Variants in MTCH1 observed in about 807,000 individuals in gnomAD.
MTCH1 encodes mitochondrial carrier homolog 1.
A neutral mutation model predicts 49.3 loss-of-function variants in MTCH1; 23 were observed. The ratio of observed to expected loss-of-function variants is 0.47; its 90% CI spans 0.34 to 0.66. The LOEUF (loss-of-function observed/expected upper bound fraction) is 0.66, where lower values mean the gene tolerates loss of function less well. MTCH1 is among the 30% of genes least tolerant of loss of function. MTCH1 has a pLI of 0.01. For synonymous variants in MTCH1, 229 were observed against 215.2 expected (o/e 1.06, Z -0.56); for missense variants, 397 against 532.1 (o/e 0.75, Z 2.50).
chr6:36,980,801 C>A (rs574292398), intron 2 of MTCH1, among the ~76,000 whole-genome samples: 1 of 152,272 alleles, frequency 6.6e-6, no homozygotes, highest in East Asian at 1.9e-4. Context: ...TTAAAGAAGG[C>A]CTTCATCATG....
At chr6:36,985,711 A>ACCCCCCCTGCCCCCCCCCATCCCC in intron 1 of MTCH1, 142 bp downstream of exon 1, 1 of 151,370 alleles carries the variant, frequency 6.6e-6, no homozygotes, top group Non-Finnish European at 1.3e-5. Flanking sequence ...CTCCCATCCC[A>ACCCCCCCTGCCCCCCCCCATCCCC]CCCACTCGGC....
rs760776834 is a variant in MTCH1, at chr6:36,970,490, C to G, written c.955-17G>C. 6 of 1,613,992 alleles carry G rather than the reference C, an allele frequency of 3.7e-6. No individual in the cohort carries two copies. In the East Asian group the frequency reaches 1.1e-4, roughly 30 times the overall value. ...CACTGCAATCTGAAACCCAGAGAGG[C>G]CTGAGTGCCAGTGACCCACCCCGGC... On this transcript the variant is annotated splice_polypyrimidine_tract_variant and intron_variant, in intron 9 of 11. Transcript: ENST00000373627.
chr6:36,975,987 T>C (rs945509203), intron 6 of MTCH1, among the ~76,000 whole-genome samples: 3 of 152,158 alleles, frequency 2.0e-5, no homozygotes, highest in South Asian at 2.1e-4. Flanking sequence ...TTCTGGGAGA[T>C]AGGAGTTTAG....
Position 36,977,204 on chromosome 6 carries a change from C to A in MTCH1, c.696G>T (p.Lys232Asn). The A allele has an allele frequency of 6.2e-7, 1 of 1,614,116 alleles. No individual in the cohort carries two copies. Among genetic ancestry groups the A allele is most frequent in the Non-Finnish European group, 8.5e-7 (1 of 1,179,980 alleles). Residue 232 changes from lysine to asparagine, a missense_variant, in exon 6 of 12, where the codon AAG becomes AAT. By Grantham distance (94) the Lys-to-Asn change is moderately conservative. This residue lies in a region of MTCH1 where 252 missense variants were observed against 388.3 expected (regional missense o/e 0.65). Transcript: ENST00000373627. The surrounding 1 kb of genome is among the most constrained non-coding windows in gnomAD (Gnocchi z 5.4). ...CAGTCCCAAGAGTTACCCACCTGTA[C>A]TTGGCCTCCCGTCCCACAAACTGGA... is the stretch of plus-strand genomic sequence containing the variant. The part of the protein sequence containing the change: ...CMVQFVGREA[K>N]YSGVLSSIGK...
chr6:36,975,909 A>G (rs1763863739), intron 6 of MTCH1, among the ~76,000 whole-genome samples, 192 bp from the exon 7 acceptor site: 1 of 152,174 alleles, frequency 6.6e-6, no homozygotes, highest in South Asian at 2.1e-4. Context: ...GAGTTTACAC[A>G]GTTCATGGAG....
intron 11 of MTCH1, 161 bp from the exon 12 acceptor site, chr6:36,969,135 G>A: frequency 1.0e-6 from 1 of 985,440 alleles, no homozygotes; most frequent in Non-Finnish European, 1.2e-6. Flanking sequence ...GAATCTGCCT[G>A]TGTTGAAGCA....
chr6:36,986,244 G>T, upstream of MTCH1: 1 of 1,329,946 alleles, frequency 7.5e-7, no homozygotes, highest in South Asian at 1.7e-5. Context: ...CAGGGGGCGG[G>T]GCCGGGGCGC....
chr6:36,980,755 G>A (rs1345891140), intron 2 of MTCH1, among the ~76,000 whole-genome samples: 2 of 152,256 alleles, frequency 1.3e-5, no homozygotes, highest in South Asian at 4.1e-4. Context: ...GCCTGCAATG[G>A]AACTCCAGCT....
At position 36,970,411 on chromosome 6, in the gene MTCH1, G is replaced by A. The variant is rs1453892690; in HGVS notation, c.1017C>T (p.Asn339=). ...GTAGAGGGGCGCACACCTACCCGCA[G>A]TTGTTCACAGCCATGAGGTCGCCAA... is the stretch of plus-strand genomic sequence containing the variant. The part of the protein sequence containing the change: ...LLVGDLMAVN[N]CGLQAGLPPY... The change falls in exon 10 of 12, where the codon AAC becomes AAT. Residue 339 remains asparagine, a synonymous_variant. Transcript: ENST00000373627. 2.5e-6 allele frequency: 4 copies of A among 1,614,042 alleles called. No individual in the cohort carries two copies. The South Asian group carries it at 4.4e-5, about 18-fold the overall frequency.
At chr6:36,983,752 CCTAAT>C (rs1257091888) in intron 1 of MTCH1, among the ~76,000 whole-genome samples, 3 of 152,178 alleles carry the variant, frequency 2.0e-5, no homozygotes, top group South Asian at 2.1e-4. Flanking sequence ...TTCTTACGCA[CCTAAT>C]CTAGACAATC....
In MTCH1 at chr6:36,977,801, A is replaced by T; in HGVS notation, c.592-110T>A. On this transcript the variant is annotated intron_variant, in intron 4 of 11. Transcript: ENST00000373627. The surrounding 1 kb of genome is among the most constrained non-coding windows in gnomAD (Gnocchi z 5.4). ...GGGAGAAACCTGTCCCAGGGACTGCACATGGGGTCGGTCTGCCAAGGATGG... is the reference window on the plus strand; with the variant it reads ...GGGAGAAACCTGTCCCAGGGACTGCTCATGGGGTCGGTCTGCCAAGGATGG... 9.9e-7 allele frequency: 1 copy of T among 1,012,186 alleles called. No homozygotes were observed. The highest frequency in any genetic ancestry group is 1.5e-6 in the Non-Finnish European group (1 of 677,892). 62.7% of individuals were successfully genotyped at this position (1,012,186 alleles called of 1,614,324 possible).
At chr6:36,985,718 C>CCCCG in intron 1 of MTCH1, 135 bp downstream of exon 1, 1 of 336,988 alleles carries the variant, frequency 3.0e-6, no homozygotes, top group Non-Finnish European at 5.9e-6. Flanking sequence ...CCCACCCACT[C>CCCCG]GGCCCCCCAA....
chr6:36,985,737 T>TCC, intron 1 of MTCH1, 116 bp downstream of exon 1: 8 of 278,460 alleles, frequency 2.9e-5, no homozygotes, highest in South Asian at 3.0e-5. Context: ...AAACCCGCCG[T>TCC]CCCCACCCCT....
In MTCH1 at chr6:36,969,585, A is replaced by C. The variant is rs546368662; in HGVS notation, c.1098+454T>G. The C allele has an allele frequency of 2.1e-4, 250 of 1,168,882 alleles. 1 individual carries two copies. The African/African-American group carries it at 3.8e-3, about 18-fold the overall frequency. The allele number at this position is 1,168,882 out of a possible 1,614,324, so 72.4% of individuals were successfully genotyped here. A position where few individuals can be genotyped will look rare whatever the true frequency, so the allele number is the denominator to read the frequency against. ...TTCCCCACGTGGCCCAGCCCCACCC[A>C]CAGGCTCTCCTGGGCCCAGGAATGT... is the stretch of plus-strand genomic sequence containing the variant. On this transcript the variant is annotated intron_variant, in intron 11 of 11. Coordinates refer to ENST00000373627, the MANE Select transcript of MTCH1 (RefSeq NM_001271641.2).
At position 36,975,644 on chromosome 6, in the gene MTCH1, A is replaced by T; in HGVS notation, c.761+14T>A. 6.2e-7 allele frequency: 1 copy of T among 1,613,812 alleles called. No individual in the cohort carries two copies. On this transcript the variant is annotated intron_variant, in intron 7 of 11. Coordinates refer to ENST00000373627, the MANE Select transcript of MTCH1 (RefSeq NM_001271641.2). ...ATGCCCGTGGCCAGTTATGGGGTGT[A>T]TAAACTCACGTACACGAAGAATCCC...
chr6:36,976,449 C>T (rs1561907603), intron 6 of MTCH1: 2 of 454,502 alleles, frequency 4.4e-6, no homozygotes, highest in Non-Finnish European at 9.3e-6. Flanking sequence ...GGCCCCACCA[C>T]TCAGAACAGT....
At chr6:36,969,856 A>T (rs1290101615) in intron 11 of MTCH1, 183 bp downstream of exon 11, 1 of 1,536,916 alleles carries the variant, frequency 6.5e-7, no homozygotes. Context: ...AGCCACCTCA[A>T]ATCCTTTCTG....
At chr6:36,985,038 G>A (rs1478597575) in intron 1 of MTCH1, among the ~76,000 whole-genome samples, 5 of 143,576 alleles carry the variant, frequency 3.5e-5, no homozygotes, top group Non-Finnish European at 7.5e-5. Context: ...TAGACAAATC[G>A]CTGCCACTCC....
At chr6:36,969,806 G>GATTATAC in intron 11 of MTCH1, 1 of 1,470,272 alleles carries the variant, frequency 6.8e-7, no homozygotes, top group Non-Finnish European at 9.0e-7. Context: ...AAGAAGAAAA[G>GATTATAC]GTCTTGTCTG....
Sources: allele counts gnomAD v4.1 joint callset (sites outside exome capture counted in the v4.1 genomes callset), GRCh38; gene constraint gnomAD v4.1.1; regional missense constraint gnomAD v4.1.1; non-coding constraint Gnocchi (gnomAD v3.1); transcripts MANE v1.5; gene names NCBI Gene and HGNC (gene_info 2026-07-23, HGNC 2026-07-21).